Variants in NPAS2 observed in about 807,000 individuals in gnomAD.
The protein encoded by NPAS2 is neuronal PAS domain protein 2, also known as neuronal PAS domain-containing protein 2.
A neutral mutation model predicts 107.5 loss-of-function variants in NPAS2; 23 were observed. That is an observed-to-expected ratio of 0.21 (90% CI 0.15 to 0.30). The LOEUF is 0.30. Ranked by LOEUF, NPAS2 falls within the 10% of genes least tolerant of loss-of-function variation. NPAS2 has a pLI of 1.00. For synonymous variants in NPAS2, 403 were observed against 417.5 expected (o/e 0.97, Z 0.42); for missense variants, 756 against 1,043.3 (o/e 0.72, Z 3.79).
At chr2:100,964,030 A>T in intron 7 of NPAS2, 28 bp from the exon 8 acceptor site, 1 of 1,459,270 alleles carries the variant, frequency 6.9e-7, no homozygotes, top group Non-Finnish European at 9.6e-7. Flanking sequence ...GGGCTAACCT[A>T]TGTGTCCTCT....
intron 1 of NPAS2, chr2:100,878,712 C>T (rs2871389): frequency 0.67 from 372,726 of 552,368 alleles, 128,129 homozygotes; most frequent in Non-Finnish European, 0.71. Flanking sequence ...TGATACCCAA[C>T]TATAAGGGAG....
At chr2:100,851,236 AGT>A (rs778921746) in intron 1 of NPAS2, among the ~76,000 whole-genome samples, 1 of 152,240 alleles carries the variant, frequency 6.6e-6, no homozygotes, top group Non-Finnish European at 1.5e-5. Flanking sequence ...TTTACACAAC[AGT>A]GTGAACAGTA....
At chr2:100,841,738 A>G (rs1435046127) in intron 1 of NPAS2, among the ~76,000 whole-genome samples, 4 of 152,212 alleles carry the variant, frequency 2.6e-5, no homozygotes, top group Admixed American at 6.5e-5. Context: ...CACGTACCAC[A>G]TGCATACATA....
rs188626612 is a variant in NPAS2, at chr2:100,945,688, G to A, written c.364-2547G>A. 1.1e-4 allele frequency among the ~76,000 whole-genome samples: 16 copies of A among 152,280 alleles called. No homozygotes were observed. The East Asian group carries it at 3.1e-3, about 29-fold the overall frequency. On this transcript the variant is annotated intron_variant, in intron 5 of 20. Coordinates refer to ENST00000335681, the MANE Select transcript of NPAS2 (RefSeq NM_002518.4). ...TCCCTGTTGTTCCCACCTTCCTGCA[G>A]TGCTGTCAGGGTACCCACCTTATGC...
intron 1 of NPAS2, among the ~76,000 whole-genome samples, chr2:100,852,166 G>A (rs980609477): frequency 1.3e-5 from 2 of 152,104 alleles, no homozygotes; most frequent in Non-Finnish European, 1.5e-5. Context: ...GGAGGTCAAG[G>A]CGGGCGGATC....
At chr2:100,977,676 A>C in intron 14 of NPAS2, 34 bp from the exon 15 acceptor site, 4 of 1,576,042 alleles carry the variant, frequency 2.5e-6, no homozygotes, top group Non-Finnish European at 3.5e-6. Flanking sequence ...GAATGGCAGA[A>C]GCAGTGGTAA....
intron 1 of NPAS2, among the ~76,000 whole-genome samples, chr2:100,884,184 C>T (rs1680559142): frequency 2.0e-5 from 3 of 152,114 alleles, no homozygotes; most frequent in Admixed American, 1.3e-4. Flanking sequence ...TGTGTGAAAC[C>T]CCTATATTTG....
At chr2:100,824,037 C>T (rs890331563) in intron 1 of NPAS2, among the ~76,000 whole-genome samples, 5 of 152,174 alleles carry the variant, frequency 3.3e-5, no homozygotes, top group African/African-American at 1.2e-4. Flanking sequence ...TGATGCTTAC[C>T]TTGCCAAGTT....
Position 100,996,121 on chromosome 2 carries a change from T to TA in NPAS2, c.*539_*540insA, listed in dbSNP as rs1678432499. On this transcript the variant is annotated 3_prime_UTR_variant, in exon 21 of 21. Transcript: ENST00000335681. Reference sequence around the variant, plus strand: ...ATAACTTAGGCACTTTCTGTTTTTTTTAAAAAAATAATAAGGTCTCATGGC... The same window carrying TA: ...ATAACTTAGGCACTTTCTGTTTTTTTATAAAAAAATAATAAGGTCTCATGGC... 2.1e-5 allele frequency: 9 copies of TA among 423,294 alleles called. No homozygotes were observed. Among genetic ancestry groups the TA allele is most frequent in the Non-Finnish European group, 2.5e-5 (7 of 277,348 alleles). The allele number at this position is 423,294 out of a possible 1,614,324, so 26.2% of individuals were successfully genotyped here. A position where few individuals can be genotyped will look rare whatever the true frequency, so the allele number is the denominator to read the frequency against.
At chr2:100,975,432 G>A in intron 13 of NPAS2, 26 bp from the exon 14 acceptor site, 1 of 1,597,008 alleles carries the variant, frequency 6.3e-7, no homozygotes, top group Non-Finnish European at 8.6e-7. Context: ...ATGGAAGTTA[G>A]AAGGTCATTC....
intron 18 of NPAS2, 84 bp from the exon 19 acceptor site, chr2:100,990,696 C>A: frequency 7.7e-7 from 1 of 1,305,416 alleles, no homozygotes; most frequent in Non-Finnish European, 1.1e-6. Flanking sequence ...AAGGGTCCAG[C>A]CAGGCTGAGC....
chr2:100,923,849 C>T (rs147295170), intron 2 of NPAS2, among the ~76,000 whole-genome samples: 11 of 152,276 alleles, frequency 7.2e-5, no homozygotes, highest in Admixed American at 2.0e-4. Context: ...GGAGGCCCCT[C>T]GAGTAGCACT....
intron 2 of NPAS2, among the ~76,000 whole-genome samples, chr2:100,924,929 TG>T (rs1168392986): frequency 6.6e-6 from 1 of 152,226 alleles, no homozygotes; most frequent in Non-Finnish European, 1.5e-5. Flanking sequence ...CAGAACTTAC[TG>T]GTTATTAATG....
At chr2:100,884,903 C>T (rs1680596008) in intron 1 of NPAS2, among the ~76,000 whole-genome samples, 1 of 151,556 alleles carries the variant, frequency 6.6e-6, no homozygotes, top group African/African-American at 2.4e-5. Context: ...AAAGAGACAT[C>T]TTGGCTCTCC....
At chr2:100,933,085 A>G in intron 4 of NPAS2, 84 bp downstream of exon 4, 2 of 985,126 alleles carry the variant, frequency 2.0e-6, no homozygotes, top group Non-Finnish European at 3.2e-6. Flanking sequence ...TACCCAAAGG[A>G]AACTACTGTT....
chr2:100,955,472 A>G (rs1675513859), intron 7 of NPAS2, among the ~76,000 whole-genome samples: 1 of 152,066 alleles, frequency 6.6e-6, no homozygotes, highest in Non-Finnish European at 1.5e-5. Context: ...TTCAGACCAG[A>G]CTTGAGGCTT....
Position 100,995,535 on chromosome 2 carries a change from G to A in NPAS2, c.2428G>A (p.Val810Ile), listed in dbSNP as rs201591122. The part of the protein sequence containing the change: ...QPQPLRPPRR[V>I]SSLSESSGLQ... ...CCAGCCCCTACGTCCTCCCCGAAGG[G>A]TCAGCAGTCTGTCTGAGTCGTCAGG... Residue 810 changes from valine (V) to isoleucine (I), a missense_variant, in exon 21 of 21, where the codon GTC becomes ATC. Physicochemically the swap from Val to Ile is conservative, Grantham distance 29. This residue lies in a region of NPAS2 where 496 missense variants were observed against 594.4 expected (regional missense o/e 0.83). Transcript: ENST00000335681. 5 of 1,612,108 alleles carry A rather than the reference G, an allele frequency of 3.1e-6. No homozygotes were observed. The African/African-American group carries it at 4.0e-5, about 13-fold the overall frequency.
At chr2:100,870,467 C>T (rs1679515114) in intron 1 of NPAS2, among the ~76,000 whole-genome samples, 1 of 152,074 alleles carries the variant, frequency 6.6e-6, no homozygotes, top group Non-Finnish European at 1.5e-5. Context: ...ACGATCTTGG[C>T]TCACTGCAAC....
chr2:100,972,756 A>C (rs1282244862), intron 12 of NPAS2: 1 of 152,270 alleles, frequency 6.6e-6, no homozygotes, highest in Non-Finnish European at 1.5e-5. Flanking sequence ...GACACACCAT[A>C]CATCATCGCT....
Sources: gnomAD v4.1 joint callset for allele counts (sites outside exome capture counted in the v4.1 genomes callset) on GRCh38, gnomAD v4.1.1 for gene constraint, gnomAD v4.1.1 regional missense constraint, MANE v1.5 for transcripts, NCBI Gene and HGNC (gene_info 2026-07-23, HGNC 2026-07-21) for gene names.